The following GAS2 variants were observed in gnomAD, a reference collection of about 807,000 sequenced individuals.
GAS2 encodes growth arrest-specific protein 2.
A neutral mutation model predicts 37.5 loss-of-function variants in GAS2; 20 were observed. The observed-to-expected ratio is 0.53, with a 90% CI of 0.37 to 0.77. The LOEUF (loss-of-function observed/expected upper bound fraction) is 0.77. GAS2 is among the 30% of genes least tolerant of loss of function. The pLI is 0.00. For missense variants in GAS2, 336 were observed against 373.4 expected (o/e 0.90, Z 0.82); for synonymous variants, 144 against 132.2 (o/e 1.09, Z -0.61).
chr11:22,732,770 TATCATCATCATCATCATCATC>T (rs35919121), intron 4 of GAS2, among the ~76,000 whole-genome samples: 1 of 145,936 alleles, frequency 6.9e-6, no homozygotes, highest in Middle Eastern at 3.4e-3. Context: ...CCCCTCCATT[TATCATCATCATCATCATCATC>T]ATCATCATCA....
chr11:22,667,449 G>A (rs892513431), intron 1 of GAS2, among the ~76,000 whole-genome samples: 1 of 152,160 alleles, frequency 6.6e-6, no homozygotes, highest in African/African-American at 2.4e-5. Flanking sequence ...TACTCACTGT[G>A]TCTGATGAGT....
At chr11:22,778,328 G>T (rs1408896029) in intron 7 of GAS2, among the ~76,000 whole-genome samples, 1 of 152,158 alleles carries the variant, frequency 6.6e-6, no homozygotes, top group Non-Finnish European at 1.5e-5. Context: ...GGAATAGGGT[G>T]GTGAATGAGA....
chr11:22,743,031 T>A (rs879338160), intron 5 of GAS2, among the ~76,000 whole-genome samples: 1 of 152,022 alleles, frequency 6.6e-6, no homozygotes, highest in Non-Finnish European at 1.5e-5. Flanking sequence ...ATAACCAAAT[T>A]TTATAGCTTC....
At chr11:22,635,011 C>A (rs1858802336) in intron 1 of GAS2, among the ~76,000 whole-genome samples, 1 of 152,184 alleles carries the variant, frequency 6.6e-6, no homozygotes, top group Non-Finnish European at 1.5e-5. Context: ...TTTGTGCCAA[C>A]AGATGCTGTA....
At chr11:22,642,104 G>A (rs78895016) in intron 1 of GAS2, among the ~76,000 whole-genome samples, 2,039 of 152,126 alleles carry the variant, frequency 0.013, 37 homozygotes, top group East Asian at 0.077. Flanking sequence ...GAATTTTGAA[G>A]CACAAGAATG....
At chr11:22,705,092 T>A (rs1851045331) in intron 3 of GAS2, among the ~76,000 whole-genome samples, 2 of 152,140 alleles carry the variant, frequency 1.3e-5, no homozygotes, top group Admixed American at 6.6e-5. Context: ...AAATGGCACC[T>A]CAACTTTCTT....
intron 3 of GAS2, among the ~76,000 whole-genome samples, chr11:22,687,330 A>G (rs1052537961): frequency 6.6e-6 from 1 of 152,152 alleles, no homozygotes; most frequent in African/African-American, 2.4e-5. Flanking sequence ...ATTTCTCAAA[A>G]GTAATAATAA....
At chr11:22,633,639 C>T (rs539958124) in intron 1 of GAS2, among the ~76,000 whole-genome samples, 1 of 152,040 alleles carries the variant, frequency 6.6e-6, no homozygotes, top group Non-Finnish European at 1.5e-5. Context: ...GAGGTCCTAA[C>T]CTTGACAGAG....
intron 3 of GAS2, among the ~76,000 whole-genome samples, chr11:22,725,262 AC>A (rs1852146748): frequency 1.3e-5 from 2 of 152,028 alleles, no homozygotes; most frequent in South Asian, 4.1e-4. Flanking sequence ...ATCCAGGTTC[AC>A]CCCCACCCTT....
intron 3 of GAS2, among the ~76,000 whole-genome samples, chr11:22,702,826 G>A (rs920788752): frequency 6.6e-6 from 1 of 152,114 alleles, no homozygotes; most frequent in Non-Finnish European, 1.5e-5. Context: ...TTCAGAGCAA[G>A]GAGAAGAGAT....
chr11:22,710,328 A>G (rs1350327941), intron 3 of GAS2, among the ~76,000 whole-genome samples: 2 of 152,154 alleles, frequency 1.3e-5, no homozygotes, highest in East Asian at 1.9e-4. Context: ...TACATAATTT[A>G]CAGATGAGTA....
chr11:22,692,627 A>C (rs1490968769), intron 3 of GAS2, among the ~76,000 whole-genome samples: 1 of 152,172 alleles, frequency 6.6e-6, no homozygotes, highest in Non-Finnish European at 1.5e-5. Flanking sequence ...TCAGAAATGC[A>C]TTTATCTCAG....
At chr11:22,683,118 A>G (rs923568031) in intron 2 of GAS2, among the ~76,000 whole-genome samples, 1 of 151,834 alleles carries the variant, frequency 6.6e-6, no homozygotes, top group Non-Finnish European at 1.5e-5. Context: ...TAAAATATGA[A>G]CTACTTAAAA....
intron 7 of GAS2, among the ~76,000 whole-genome samples, chr11:22,806,005 T>C (rs1454644641): frequency 2.0e-5 from 3 of 152,138 alleles, no homozygotes; most frequent in Non-Finnish European, 4.4e-5. Flanking sequence ...AAGGTTTTTA[T>C]GAGCTGTGTC....
intron 3 of GAS2, among the ~76,000 whole-genome samples, chr11:22,724,781 C>T (rs1271856469): frequency 1.3e-5 from 2 of 151,992 alleles, no homozygotes; most frequent in African/African-American, 4.8e-5. Context: ...TGAGATTAGA[C>T]AGACACCCAT....
chr11:22,675,103 T>C (rs1849364224), intron 2 of GAS2, 89 bp downstream of exon 2: 1 of 1,264,456 alleles, frequency 7.9e-7, no homozygotes, highest in South Asian at 1.6e-5. Context: ...AAGCATGTGA[T>C]AGCACCTTGG....
chr11:22,676,629 G>A (rs2133896823), intron 2 of GAS2, among the ~76,000 whole-genome samples: 1 of 152,174 alleles, frequency 6.6e-6, no homozygotes, highest in Non-Finnish European at 1.5e-5. Context: ...ATAGTACTTT[G>A]AACAGTATCT....
chr11:22,636,876 A>G (rs1219465107), intron 1 of GAS2, among the ~76,000 whole-genome samples: 1 of 146,580 alleles, frequency 6.8e-6, no homozygotes, highest in African/African-American at 2.5e-5. Context: ...ATTTTAAATG[A>G]AAATTTATAT....
intron 3 of GAS2, among the ~76,000 whole-genome samples, chr11:22,724,520 ATACTT>A (rs1852102175): frequency 6.6e-6 from 1 of 152,054 alleles, no homozygotes; most frequent in African/African-American, 2.4e-5. Flanking sequence ...AATGTTTATA[ATACTT>A]TACAAGGGAA....
Sources: gnomAD v4.1 joint callset for allele counts (sites outside exome capture counted in the v4.1 genomes callset) on GRCh38, gnomAD v4.1.1 for gene constraint, MANE v1.5 for transcripts, NCBI Gene and HGNC (gene_info 2026-07-23, HGNC 2026-07-21) for gene names.